Variants in NDST3 observed in about 807,000 individuals in gnomAD.
NDST3 encodes bifunctional heparan sulfate N-deacetylase/N-sulfotransferase 3.
In NDST3, 58 loss-of-function variants were observed where a neutral mutation model predicts 96.1. That is an observed-to-expected ratio of 0.60 (90% CI 0.49 to 0.75). NDST3 has a LOEUF of 0.75. NDST3 is among the 30% of genes least tolerant of loss of function. NDST3 has a pLI of 0.00. For synonymous variants in NDST3, 333 were observed against 359.7 expected, an observed-to-expected ratio of 0.93 and a Z score of 0.84; for missense variants, 788 against 1,034.2, an observed-to-expected ratio of 0.76 and a Z score of 3.27.
At chr4:118,101,597 G>A (rs1430349482) in intron 2 of NDST3, among the ~76,000 whole-genome samples, 1 of 152,060 alleles carries the variant, frequency 6.6e-6, no homozygotes, top group African/African-American at 2.4e-5. Context: ...GTAGCCATGA[G>A]TGGCTTAATG....
intron 6 of NDST3, among the ~76,000 whole-genome samples, chr4:118,215,120 T>C (rs1739109783): frequency 6.6e-6 from 1 of 151,924 alleles, no homozygotes; most frequent in African/African-American, 2.4e-5. Flanking sequence ...CATTTAAGTA[T>C]AAAATTTAGG....
chr4:118,194,687 C>A (rs1375121032), intron 6 of NDST3: 1 of 617,786 alleles, frequency 1.6e-6, no homozygotes, highest in East Asian at 3.0e-5. Context: ...AATGTCCACT[C>A]CCTCCATGGG....
chr4:118,142,408 T>C (rs1432522556), intron 5 of NDST3, among the ~76,000 whole-genome samples: 1 of 151,562 alleles, frequency 6.6e-6, no homozygotes, highest in Non-Finnish European at 1.5e-5. Context: ...ATCCAAGGGC[T>C]AGACGAAAAT....
chr4:118,099,905 G>T (rs1437613698), intron 2 of NDST3, among the ~76,000 whole-genome samples: 1 of 152,024 alleles, frequency 6.6e-6, no homozygotes, highest in Admixed American at 6.6e-5. Context: ...GGTCATTGGA[G>T]CACTTCATGG....
At chr4:118,235,346 C>T (rs1013113990) in intron 9 of NDST3, among the ~76,000 whole-genome samples, 2 of 152,082 alleles carry the variant, frequency 1.3e-5, no homozygotes, top group South Asian at 2.1e-4. Flanking sequence ...CTCTATTAAT[C>T]GAACATCTTT....
At chr4:118,149,892 T>G (rs1380929780) in intron 6 of NDST3, among the ~76,000 whole-genome samples, 1 of 151,976 alleles carries the variant, frequency 6.6e-6, no homozygotes, top group Non-Finnish European at 1.5e-5. Context: ...GGCTGTGGGT[T>G]TGTCATAGAT....
intron 1 of NDST3, among the ~76,000 whole-genome samples, chr4:118,044,676 G>T (rs570828742): frequency 4.6e-5 from 7 of 152,304 alleles, no homozygotes; most frequent in Admixed American, 2.0e-4. Context: ...TCACAGACTG[G>T]ATAATTTATA....
At chr4:118,098,476 G>A (rs1162543762) in intron 2 of NDST3, among the ~76,000 whole-genome samples, 2 of 151,910 alleles carry the variant, frequency 1.3e-5, no homozygotes, top group Non-Finnish European at 2.9e-5. Context: ...CTTCGTGATG[G>A]TAGCACTTAC....
intron 6 of NDST3, among the ~76,000 whole-genome samples, chr4:118,163,674 C>A (rs1735353853): frequency 6.6e-6 from 1 of 152,002 alleles, no homozygotes; most frequent in Admixed American, 6.6e-5. Context: ...ATGGGTGCAG[C>A]ACACCAGCAT....
chr4:118,131,932 C>A (rs1297005788), intron 4 of NDST3, among the ~76,000 whole-genome samples: 2 of 152,070 alleles, frequency 1.3e-5, no homozygotes, highest in Non-Finnish European at 1.5e-5. Flanking sequence ...CTGTGCTGAG[C>A]TGCCTGGAAC....
At chr4:118,145,252 C>A (rs1044570118) in intron 6 of NDST3, among the ~76,000 whole-genome samples, 9 of 152,158 alleles carry the variant, frequency 5.9e-5, no homozygotes, top group African/African-American at 2.2e-4. Flanking sequence ...ACTGAAGAAG[C>A]AGTTAAAACA....
intron 6 of NDST3, among the ~76,000 whole-genome samples, chr4:118,163,114 A>G (rs1735292663): frequency 6.6e-6 from 1 of 152,210 alleles, no homozygotes; most frequent in Non-Finnish European, 1.5e-5. Context: ...GGTGCTGGAG[A>G]GGATGTGGAG....
chr4:118,168,924 C>T (rs1193909096), intron 6 of NDST3, among the ~76,000 whole-genome samples: 1 of 152,010 alleles, frequency 6.6e-6, no homozygotes, highest in Non-Finnish European at 1.5e-5. Context: ...CTGAAACAGT[C>T]GAACTCATAA....
intron 4 of NDST3, among the ~76,000 whole-genome samples, chr4:118,131,700 T>C (rs1414213116): frequency 1.3e-5 from 2 of 152,160 alleles, no homozygotes; most frequent in African/African-American, 4.8e-5. Flanking sequence ...GTATTTACTA[T>C]AGACTTTGCA....
intron 3 of NDST3, among the ~76,000 whole-genome samples, chr4:118,108,078 C>T (rs959676565): frequency 6.6e-6 from 1 of 152,126 alleles, no homozygotes; most frequent in African/African-American, 2.4e-5. Context: ...AGGGTAACTT[C>T]CATTTATAAA....
intron 6 of NDST3, among the ~76,000 whole-genome samples, chr4:118,154,423 C>T (rs114920281): frequency 1.2e-3 from 180 of 152,246 alleles, no homozygotes; most frequent in African/African-American, 3.6e-3. Context: ...ATTGACTAAA[C>T]GCATGAAGAG....
At chr4:118,196,078 C>A (rs1401121374) in intron 6 of NDST3, among the ~76,000 whole-genome samples, 1 of 152,136 alleles carries the variant, frequency 6.6e-6, no homozygotes, top group Non-Finnish European at 1.5e-5. Flanking sequence ...GTATCAAATG[C>A]TTTTTTAACA....
intron 6 of NDST3, among the ~76,000 whole-genome samples, chr4:118,192,789 C>A (rs1737398484): frequency 6.6e-6 from 1 of 151,576 alleles, no homozygotes; most frequent in Non-Finnish European, 1.5e-5. Context: ...CCTTCATCAA[C>A]ATGCAAAGAA....
intron 2 of NDST3, among the ~76,000 whole-genome samples, chr4:118,084,881 G>GA (rs1468134845): frequency 6.6e-6 from 1 of 152,154 alleles, no homozygotes; most frequent in Non-Finnish European, 1.5e-5. Context: ...AGCACTTTGG[G>GA]AGGCCGAGGT....
Sources: gnomAD v4.1 joint callset for allele counts (sites outside exome capture counted in the v4.1 genomes callset) on GRCh38, gnomAD v4.1.1 for gene constraint, MANE v1.5 for transcripts, NCBI Gene and HGNC (gene_info 2026-07-23, HGNC 2026-07-21) for gene names.